IQCM: variants seen among roughly 807,000 people sequenced by gnomAD.
IQCM encodes the protein IQ domain-containing protein M.
Under a neutral mutation model 57.6 loss-of-function variants are expected in IQCM, and 45 were observed. The ratio of observed to expected loss-of-function variants is 0.78; its 90% CI spans 0.62 to 1.00. The LOEUF is 1.00. Ranked by LOEUF, IQCM falls within the 50% of genes least tolerant of loss-of-function variation. IQCM has a pLI of 0.00. For missense variants in IQCM, 468 were observed against 511.6 expected (o/e 0.91, Z 0.82); for synonymous variants, 148 against 158.9 (o/e 0.93, Z 0.51).
intron 9 of IQCM, among the ~76,000 whole-genome samples, chr4:149,576,383 G>T (rs905201309): frequency 6.6e-6 from 1 of 151,598 alleles, no homozygotes; most frequent in Non-Finnish European, 1.5e-5. Flanking sequence ...AGCTTGATTT[G>T]CTTTTTTGTT....
At chr4:149,516,460 A>G (rs1444083412) in intron 12 of IQCM, among the ~76,000 whole-genome samples, 1 of 152,204 alleles carries the variant, frequency 6.6e-6, no homozygotes, top group Non-Finnish European at 1.5e-5. Flanking sequence ...TGGTCTTACC[A>G]TGTTCCCCAT....
intron 2 of IQCM, among the ~76,000 whole-genome samples, chr4:149,768,772 A>G (rs1343793639): frequency 6.6e-6 from 1 of 152,102 alleles, no homozygotes; most frequent in Non-Finnish European, 1.5e-5. Flanking sequence ...ACTGAATCAC[A>G]TAATTATCAA....
At chr4:149,700,908 G>A (rs575115895) in intron 5 of IQCM, among the ~76,000 whole-genome samples, 7 of 151,958 alleles carry the variant, frequency 4.6e-5, no homozygotes, top group East Asian at 1.9e-4. Flanking sequence ...TAAAATCATC[G>A]GCATCTGTTT....
chr4:149,764,767 C>T (rs997050967), intron 2 of IQCM, among the ~76,000 whole-genome samples: 18 of 152,096 alleles, frequency 1.2e-4, no homozygotes, highest in African/African-American at 4.1e-4. Flanking sequence ...GCTTGACATA[C>T]TGCAAATCCT....
chr4:149,389,501 A>T (rs888677977), intron 13 of IQCM, among the ~76,000 whole-genome samples: 1 of 151,800 alleles, frequency 6.6e-6, no homozygotes, highest in Admixed American at 6.6e-5. Context: ...AATGTGGCAC[A>T]TATACACCAT....
At chr4:149,653,202 A>G (rs1176556979) in intron 7 of IQCM, among the ~76,000 whole-genome samples, 1 of 152,118 alleles carries the variant, frequency 6.6e-6, no homozygotes, top group African/African-American at 2.4e-5. Context: ...CAGGTGGTCA[A>G]GAGTCTTCCC....
chr4:149,574,116 G>A (rs948895464), intron 9 of IQCM, among the ~76,000 whole-genome samples: 1 of 151,876 alleles, frequency 6.6e-6, no homozygotes, highest in African/African-American at 2.4e-5. Flanking sequence ...CTTTATATAA[G>A]AATGAGTTGT....
chr4:149,686,392 G>A lies in IQCM; in HGVS notation c.462C>T (p.His154=). Residue 154 remains histidine, a synonymous_variant, in exon 6 of 14, where the codon CAC becomes CAT. Transcript: ENST00000636793. ...TTATACATTACCTGGACTCCTCAAA[G>A]TGCTGTTGCTTTGCTGTCTCCATTT... The part of the protein sequence containing the change: ...SKKMETAKQQ[H]FEESRNRMLE... 1.3e-5 allele frequency: 16 copies of A among 1,219,128 alleles called. No homozygotes were observed. Among genetic ancestry groups the A allele is most frequent in the Non-Finnish European group, 1.6e-5 (16 of 976,612 alleles). 75.5% of individuals were successfully genotyped at this position (1,219,128 alleles called of 1,614,324 possible).
At chr4:149,524,829 A>T (rs1031734009) in intron 12 of IQCM, among the ~76,000 whole-genome samples, 2 of 151,766 alleles carry the variant, frequency 1.3e-5, no homozygotes, top group Admixed American at 6.6e-5. Flanking sequence ...TGTAGAGAAA[A>T]TATTAAAATA....
At chr4:149,448,603 A>C (rs1736759571) in intron 12 of IQCM, among the ~76,000 whole-genome samples, 2 of 151,758 alleles carry the variant, frequency 1.3e-5, no homozygotes, top group South Asian at 4.1e-4. Flanking sequence ...TTTTAGCCAA[A>C]AAAAGAAGAC....
intron 2 of IQCM, among the ~76,000 whole-genome samples, chr4:149,753,122 G>A (rs762347615): frequency 3.0e-4 from 46 of 151,952 alleles, no homozygotes; most frequent in Non-Finnish European, 5.1e-4. Flanking sequence ...CTCTACATAA[G>A]CCTGAAAATT....
At chr4:149,639,735 A>G (rs183397124) in intron 7 of IQCM, among the ~76,000 whole-genome samples, 6 of 152,280 alleles carry the variant, frequency 3.9e-5, no homozygotes, top group East Asian at 1.9e-4. Context: ...AGCCTGGGAA[A>G]TATGGCAAAA....
At chr4:149,358,037 A>T (rs1729137789) in intron 13 of IQCM, among the ~76,000 whole-genome samples, 1 of 151,962 alleles carries the variant, frequency 6.6e-6, no homozygotes, top group Non-Finnish European at 1.5e-5. Context: ...TTGCGTAGAG[A>T]TGTTTATAGT....
intron 8 of IQCM, among the ~76,000 whole-genome samples, chr4:149,618,731 A>G (rs1756020459): frequency 6.6e-6 from 1 of 152,212 alleles, no homozygotes; most frequent in Admixed American, 6.6e-5. Context: ...AACATATGAA[A>G]AAATGCTCCA....
chr4:149,461,021 G>A (rs1157981028), intron 12 of IQCM, among the ~76,000 whole-genome samples: 1 of 152,086 alleles, frequency 6.6e-6, no homozygotes, highest in Admixed American at 6.6e-5. Flanking sequence ...GATCACCTGA[G>A]ATCGGGAGTT....
chr4:149,593,626 G>C (rs939119734), intron 8 of IQCM, among the ~76,000 whole-genome samples: 1 of 152,022 alleles, frequency 6.6e-6, no homozygotes, highest in African/African-American at 2.4e-5. Flanking sequence ...TTTGAGATAT[G>C]TCCCATCAAT....
intron 5 of IQCM, 103 bp downstream of exon 5, chr4:149,733,141 T>C: frequency 9.8e-7 from 1 of 1,024,270 alleles, no homozygotes; most frequent in Non-Finnish European, 1.3e-6. Flanking sequence ...AGATTTAAAG[T>C]TCAGGGAATT....
At chr4:149,672,318 C>A (rs1001304300) in intron 7 of IQCM, among the ~76,000 whole-genome samples, 2 of 152,136 alleles carry the variant, frequency 1.3e-5, no homozygotes, top group Non-Finnish European at 2.9e-5. Flanking sequence ...TCGGTAATAA[C>A]AAACTTCTCC....
intron 13 of IQCM, among the ~76,000 whole-genome samples, chr4:149,376,412 C>A (rs115791429): frequency 1.2e-4 from 19 of 152,004 alleles, no homozygotes; most frequent in African/African-American, 3.9e-4. Context: ...GACTCTAAAG[C>A]GATAAACTGC....
Sources: allele counts gnomAD v4.1 joint callset (sites outside exome capture counted in the v4.1 genomes callset), GRCh38; gene constraint gnomAD v4.1.1; transcripts MANE v1.5; gene names NCBI Gene and HGNC (gene_info 2026-07-23, HGNC 2026-07-21).